Variants in NRXN3 observed in about 807,000 individuals in gnomAD.
NRXN3 encodes the protein neurexin 3, also known as neurexin III.
In NRXN3, 32 loss-of-function variants were observed where a neutral mutation model predicts 137.6. That is an observed-to-expected ratio of 0.23 (90% CI 0.18 to 0.31). NRXN3 has a LOEUF of 0.31. Ranked by LOEUF, NRXN3 falls within the 10% of genes least tolerant of loss-of-function variation. The pLI, the probability that NRXN3 is intolerant of heterozygous loss-of-function variation, is 1.00. For synonymous variants in NRXN3, 798 were observed against 784.5 expected, an observed-to-expected ratio of 1.02 and a Z score of -0.29; for missense variants, 1,574 against 2,062.5, an observed-to-expected ratio of 0.76 and a Z score of 4.59.
intron 15 of NRXN3, among the ~76,000 whole-genome samples, chr14:79,100,640 A>G (rs1201445351): frequency 6.6e-6 from 1 of 152,086 alleles, no homozygotes; most frequent in Non-Finnish European, 1.5e-5. Flanking sequence ...TGGTCTGCAG[A>G]GCTGCTAATC....
chr14:79,294,761 G>A (rs1332870868), intron 15 of NRXN3, among the ~76,000 whole-genome samples: 1 of 152,148 alleles, frequency 6.6e-6, no homozygotes, highest in Admixed American at 6.5e-5. Context: ...TTATTATTGA[G>A]TACTTATGAT....
chr14:79,130,365 G>A (rs1166026006), intron 15 of NRXN3, among the ~76,000 whole-genome samples: 32 of 151,960 alleles, frequency 2.1e-4, no homozygotes, highest in Admixed American at 2.1e-3. Flanking sequence ...CTCTTTTAGG[G>A]CAGGCCTGGT....
chr14:79,014,434 C>T (rs2099575904), intron 15 of NRXN3, among the ~76,000 whole-genome samples: 1 of 152,140 alleles, frequency 6.6e-6, no homozygotes, highest in Non-Finnish European at 1.5e-5. Flanking sequence ...CAGACATGAT[C>T]TCATTCTTTT....
At chr14:78,184,953 C>T (rs144429210) in intron 1 of NRXN3, among the ~76,000 whole-genome samples, 70 of 152,320 alleles carry the variant, frequency 4.6e-4, no homozygotes, top group African/African-American at 1.6e-3. Flanking sequence ...ATTTCTTCAT[C>T]TCTGAGATGT....
intron 15 of NRXN3, among the ~76,000 whole-genome samples, chr14:79,236,459 A>G (rs1291021110): frequency 1.3e-5 from 2 of 152,136 alleles, no homozygotes; most frequent in Non-Finnish European, 2.9e-5. Context: ...AAATTTCTCA[A>G]TATCTTAGAA....
At chr14:79,255,089 ACTT>A (rs147202931) in intron 15 of NRXN3, among the ~76,000 whole-genome samples, 266 of 152,272 alleles carry the variant, frequency 1.7e-3, no homozygotes, top group African/African-American at 6.0e-3. Flanking sequence ...CGACACAATG[ACTT>A]CTTCTTTCTG....
intron 10 of NRXN3, among the ~76,000 whole-genome samples, chr14:78,880,385 A>G (rs2099125656): frequency 6.6e-6 from 1 of 152,142 alleles, no homozygotes; most frequent in African/African-American, 2.4e-5. Flanking sequence ...AAGGGAGTGA[A>G]TATTTATTGG....
At chr14:78,210,419 A>G (rs1369627740) in intron 1 of NRXN3, among the ~76,000 whole-genome samples, 1 of 152,240 alleles carries the variant, frequency 6.6e-6, no homozygotes, top group Non-Finnish European at 1.5e-5. Context: ...ATTTCAACAT[A>G]TAAACTTAGG....
Position 79,174,328 on chromosome 14 carries a change from C to T in NRXN3, c.3262+186187C>T, listed in dbSNP as rs150581948. ...TGAAAAGATGCCCAACCTCCTTCAT[C>T]GTCAGACAATTTCAAATTTAAGTAA... On this transcript the variant is annotated intron_variant, in intron 15 of 20. Transcript: ENST00000335750. 2.0e-3 allele frequency among the ~76,000 whole-genome samples: 299 copies of T among 152,138 alleles called. 3 individuals carry two copies. Among genetic ancestry groups the T allele is most frequent in the South Asian group, 6.0e-3 (29 of 4,824 alleles).
intron 4 of NRXN3, among the ~76,000 whole-genome samples, chr14:78,303,140 T>C (rs2077037486): frequency 6.6e-6 from 1 of 152,204 alleles, no homozygotes; most frequent in Non-Finnish European, 1.5e-5. Context: ...ATAACCTCTC[T>C]AGAATTTCCT....
rs1437714424 is a variant in NRXN3, at chr14:79,183,141, A to C, written c.3262+195000A>C. 2.0e-5 allele frequency among the ~76,000 whole-genome samples: 3 copies of C among 152,176 alleles called. No homozygotes were observed. In the East Asian group the frequency reaches 5.8e-4, roughly 29 times the overall value. ...ATCTACTTTTATTTTTTATACCCTT[A>C]ATTCTAAACCTTTGGATTGTATTGA... On this transcript the variant is annotated intron_variant, in intron 15 of 20. Coordinates refer to ENST00000335750, the MANE Select transcript of NRXN3 (RefSeq NM_001330195.2).
chr14:78,680,946 T>A (rs889464419), intron 6 of NRXN3, among the ~76,000 whole-genome samples: 1 of 152,202 alleles, frequency 6.6e-6, no homozygotes, highest in Non-Finnish European at 1.5e-5. Flanking sequence ...ATTTCTGAGT[T>A]AATTATCCAG....
intron 4 of NRXN3, among the ~76,000 whole-genome samples, chr14:78,375,776 G>A (rs892418165): frequency 2.0e-5 from 3 of 152,164 alleles, no homozygotes; most frequent in African/African-American, 7.2e-5. Flanking sequence ...TGAGTGCAAT[G>A]CAGTGCACCT....
At chr14:78,809,142 A>C (rs954574426) in intron 9 of NRXN3, among the ~76,000 whole-genome samples, 1 of 151,986 alleles carries the variant, frequency 6.6e-6, no homozygotes, top group East Asian at 1.9e-4. Flanking sequence ...AAGGACTTCT[A>C]TGTTGTGTGT....
At chr14:79,340,501 T>C (rs552594151) in intron 15 of NRXN3, among the ~76,000 whole-genome samples, 1 of 152,188 alleles carries the variant, frequency 6.6e-6, no homozygotes. Flanking sequence ...GTTTTCCTCT[T>C]ATTGCCCAGG....
chr14:79,381,104 G>A lies in NRXN3; in HGVS notation c.3263-86117G>A, dbSNP rs1157847778. Among the ~76,000 whole-genome samples the A allele has an allele frequency of 2.6e-5, 4 of 151,920 alleles. No homozygotes were observed. The East Asian group carries it at 7.7e-4, about 29-fold the overall frequency. On this transcript the variant is annotated intron_variant, in intron 15 of 20. Coordinates refer to ENST00000335750, the MANE Select transcript of NRXN3 (RefSeq NM_001330195.2). ...AACAGTGTGCTCCAAGGTTCTATTA[G>A]GTGTTAACAGGTGTCTCAAGAAAAA...
At chr14:79,685,167 T>C (rs1228258730) in intron 17 of NRXN3, among the ~76,000 whole-genome samples, 2 of 152,210 alleles carry the variant, frequency 1.3e-5, no homozygotes, top group Non-Finnish European at 2.9e-5. Context: ...CAGGTACTTG[T>C]TATAACAAAT....
intron 2 of NRXN3, among the ~76,000 whole-genome samples, chr14:78,261,546 G>A (rs985702335): frequency 6.6e-6 from 1 of 152,086 alleles, no homozygotes; most frequent in African/African-American, 2.4e-5. Context: ...AAGGCTTTTT[G>A]TCAAGATTTA....
At chr14:79,773,034 C>T (rs557826632) in intron 19 of NRXN3, among the ~76,000 whole-genome samples, 6 of 151,962 alleles carry the variant, frequency 3.9e-5, no homozygotes, top group East Asian at 1.9e-4. Flanking sequence ...AAAATGCTCA[C>T]CATCACTGGC....
Sources: gnomAD v4.1 joint callset for allele counts (sites outside exome capture counted in the v4.1 genomes callset) on GRCh38, gnomAD v4.1.1 for gene constraint, MANE v1.5 for transcripts, NCBI Gene and HGNC (gene_info 2026-07-23, HGNC 2026-07-21) for gene names.